The following LRMDA variants were observed in gnomAD, a reference collection of about 807,000 sequenced individuals.
The protein encoded by LRMDA is leucine rich melanocyte differentiation associated.
Under a neutral mutation model 29.8 loss-of-function variants are expected in LRMDA, and 18 were observed. That is an observed-to-expected ratio of 0.60 (90% CI 0.42 to 0.90). The LOEUF (loss-of-function observed/expected upper bound fraction) is 0.90, where lower values mean the gene tolerates loss of function less well. Ranked by LOEUF, LRMDA falls within the 40% of genes least tolerant of loss-of-function variation. The pLI is 0.00. For synonymous variants in LRMDA, 125 were observed against 109.4 expected, an observed-to-expected ratio of 1.14 and a Z score of -0.89; for missense variants, 273 against 273.9, an observed-to-expected ratio of 1.00 and a Z score of 0.02.
chr10:75,482,874 A>G (rs1402797180), intron 2 of LRMDA, among the ~76,000 whole-genome samples: 1 of 152,200 alleles, frequency 6.6e-6, no homozygotes, highest in African/African-American at 2.4e-5. Context: ...TGGGGAAAAC[A>G]TATTCCATTT....
At chr10:75,715,513 T>G (rs2132181979) in intron 2 of LRMDA, among the ~76,000 whole-genome samples, 1 of 152,318 alleles carries the variant, frequency 6.6e-6, no homozygotes, top group Middle Eastern at 3.4e-3. Context: ...TAATCTTACT[T>G]TGCAATATGT....
In LRMDA at chr10:76,447,015, C is replaced by T. The variant is rs182459258; in HGVS notation, c.602-110194C>T. Among the ~76,000 whole-genome samples, 7 of 150,918 alleles carry T rather than the reference C, an allele frequency of 4.6e-5. No individual in the cohort carries two copies. In the South Asian group the frequency reaches 8.4e-4, roughly 18 times the overall value. On this transcript the variant is annotated intron_variant, in intron 6 of 6. Transcript: ENST00000611255. ...TGGCCTAAATTCTGGAAATTGTGTT[C>T]GGTATATGTTGGAGACTCCATACTA...
At chr10:76,448,991 A>T (rs927718027) in intron 6 of LRMDA, among the ~76,000 whole-genome samples, 1 of 151,906 alleles carries the variant, frequency 6.6e-6, no homozygotes, top group African/African-American at 2.4e-5. Flanking sequence ...GATTTATTTC[A>T]TCTTTTAACT....
chr10:75,886,240 T>C (rs1188971921), intron 2 of LRMDA, among the ~76,000 whole-genome samples: 1 of 152,290 alleles, frequency 6.6e-6, no homozygotes, highest in East Asian at 1.9e-4. Context: ...TTTACAGAAA[T>C]TGGACACTGC....
At chr10:75,757,992 GTT>G (rs1190079200) in intron 2 of LRMDA, among the ~76,000 whole-genome samples, 6 of 152,114 alleles carry the variant, frequency 3.9e-5, no homozygotes, top group Admixed American at 6.5e-5. Context: ...TAGAGATGGG[GTT>G]TCACCATGTT....
intron 2 of LRMDA, among the ~76,000 whole-genome samples, chr10:75,463,082 G>A (rs1043203895): frequency 7.9e-5 from 12 of 152,116 alleles, no homozygotes; most frequent in African/African-American, 2.7e-4. Context: ...AGGAGGCAGC[G>A]GATCTGAGGG....
At chr10:76,226,488 C>G (rs904444223) in intron 5 of LRMDA, among the ~76,000 whole-genome samples, 1 of 152,088 alleles carries the variant, frequency 6.6e-6, no homozygotes, top group African/African-American at 2.4e-5. Flanking sequence ...GAGGCTGAGG[C>G]AGGAGAATTG....
At chr10:76,201,247 C>A (rs868728749) in intron 5 of LRMDA, among the ~76,000 whole-genome samples, 1 of 151,994 alleles carries the variant, frequency 6.6e-6, no homozygotes, top group African/African-American at 2.4e-5. Context: ...CAGGCATGCA[C>A]CACCACGCCA....
At chr10:75,621,594 C>A (rs1013793750) in intron 2 of LRMDA, among the ~76,000 whole-genome samples, 19 of 152,140 alleles carry the variant, frequency 1.2e-4, no homozygotes, top group Non-Finnish European at 4.4e-5. Flanking sequence ...TGGGCACATA[C>A]CAGAGAATTG....
At chr10:76,121,101 C>T (rs544677333) in intron 5 of LRMDA, among the ~76,000 whole-genome samples, 15 of 151,456 alleles carry the variant, frequency 9.9e-5, no homozygotes, top group Non-Finnish European at 1.9e-4. Context: ...TCACACCACC[C>T]GCACGTAGGA....
chr10:75,478,115 C>G (rs568018904), intron 2 of LRMDA, among the ~76,000 whole-genome samples: 6 of 152,304 alleles, frequency 3.9e-5, no homozygotes, highest in Non-Finnish European at 7.4e-5. Context: ...TGGGAGGAGG[C>G]CTTTAAGCCT....
chr10:76,381,021 C>CTTTTTTTTTTT (rs538112084), intron 6 of LRMDA, among the ~76,000 whole-genome samples: 2 of 96,914 alleles, frequency 2.1e-5, no homozygotes, highest in Admixed American at 1.2e-4. Context: ...TTTATCTTTG[C>CTTTTTTTTTTT]TTTTTTTTTT....
chr10:75,528,410 T>A (rs1845438550), intron 2 of LRMDA, among the ~76,000 whole-genome samples: 1 of 152,202 alleles, frequency 6.6e-6, no homozygotes, highest in Admixed American at 6.5e-5. Context: ...TAATTGAACA[T>A]GCATATTAAT....
intron 2 of LRMDA, among the ~76,000 whole-genome samples, chr10:76,033,973 G>A (rs539361491): frequency 2.0e-5 from 3 of 151,724 alleles, no homozygotes; most frequent in Non-Finnish European, 4.4e-5. Flanking sequence ...AATAAAAGGA[G>A]GAAGGAAAAG....
chr10:76,080,270 T>A (rs564831701), intron 5 of LRMDA, among the ~76,000 whole-genome samples: 1 of 152,324 alleles, frequency 6.6e-6, no homozygotes, highest in South Asian at 2.1e-4. Flanking sequence ...TTAAGCCATA[T>A]TATATTTTCA....
intron 2 of LRMDA, among the ~76,000 whole-genome samples, chr10:76,025,552 A>G (rs115703800): frequency 4.8e-4 from 73 of 152,098 alleles, no homozygotes; most frequent in African/African-American, 1.7e-3. Flanking sequence ...TGACTTGTGC[A>G]TCATTTGTAT....
At chr10:76,373,990 G>A (rs1300275076) in intron 6 of LRMDA, among the ~76,000 whole-genome samples, 2 of 152,146 alleles carry the variant, frequency 1.3e-5, no homozygotes, top group Non-Finnish European at 2.9e-5. Flanking sequence ...CCATATGTCA[G>A]CCCAAAATAT....
chr10:76,505,255 A>G (rs1842947247), intron 6 of LRMDA, among the ~76,000 whole-genome samples: 1 of 151,878 alleles, frequency 6.6e-6, no homozygotes, highest in South Asian at 2.1e-4. Flanking sequence ...TTTTGCATTT[A>G]CCTTGATGAT....
intron 2 of LRMDA, among the ~76,000 whole-genome samples, chr10:75,951,877 A>G (rs1160033765): frequency 2.0e-5 from 3 of 152,204 alleles, no homozygotes; most frequent in Non-Finnish European, 4.4e-5. Context: ...TGACCCCTGG[A>G]AAGGCTGAGA....
Sources: gnomAD v4.1 joint callset for allele counts (sites outside exome capture counted in the v4.1 genomes callset) on GRCh38, gnomAD v4.1.1 for gene constraint, MANE v1.5 for transcripts, NCBI Gene and HGNC (gene_info 2026-07-23, HGNC 2026-07-21) for gene names.